WDR70: variants seen among roughly 807,000 people sequenced by gnomAD.
WDR70 encodes WD repeat-containing protein 70.
A neutral mutation model predicts 88.6 loss-of-function variants in WDR70; 53 were observed. The ratio of observed to expected loss-of-function variants is 0.60; its 90% CI spans 0.48 to 0.75. The LOEUF is 0.75. Among genes scored for constraint, WDR70 ranks in the 30% least tolerant of loss-of-function variants. The pLI is 0.00. For synonymous variants in WDR70, 280 were observed against 270.0 expected (o/e 1.04, Z -0.36); for missense variants, 610 against 823.2 (o/e 0.74, Z 3.17).
At chr5:37,526,218 A>G (rs1741266083) in intron 9 of WDR70, among the ~76,000 whole-genome samples, 1 of 152,112 alleles carries the variant, frequency 6.6e-6, no homozygotes, top group Non-Finnish European at 1.5e-5. Flanking sequence ...GATGAACATC[A>G]ATGCAAAAAT....
At chr5:37,605,966 C>A (rs1396278428) in intron 10 of WDR70, among the ~76,000 whole-genome samples, 1 of 152,110 alleles carries the variant, frequency 6.6e-6, no homozygotes, top group Admixed American at 6.5e-5. Context: ...TTTTGGATAT[C>A]CTTATTTTAT....
At chr5:37,455,521 C>T (rs546262172) in intron 7 of WDR70, among the ~76,000 whole-genome samples, 3 of 151,846 alleles carry the variant, frequency 2.0e-5, no homozygotes, top group Admixed American at 6.6e-5. Context: ...AGATTACAGG[C>T]GTGAGCCATT....
At chr5:37,440,625 G>A (rs1339447111) in intron 6 of WDR70, among the ~76,000 whole-genome samples, 3 of 152,222 alleles carry the variant, frequency 2.0e-5, no homozygotes, top group Non-Finnish European at 2.9e-5. Flanking sequence ...GATTACAGGC[G>A]TGAGCCACTG....
At chr5:37,436,475 T>C (rs1750470081) in intron 5 of WDR70, among the ~76,000 whole-genome samples, 1 of 152,188 alleles carries the variant, frequency 6.6e-6, no homozygotes, top group Non-Finnish European at 1.5e-5. Flanking sequence ...AGTTTCAAGA[T>C]GGAGGAGATA....
Position 37,520,650 on chromosome 5 carries a change from C to T in WDR70, c.917+4060C>T, listed in dbSNP as rs568748417. On this transcript the variant is annotated intron_variant, in intron 9 of 17. Coordinates refer to ENST00000265107, the MANE Select transcript of WDR70 (RefSeq NM_018034.4). ...TTTACCACCAGGATATTTCAGTATACTTCATTGCTGAATGAATGAAAGGTT... is the reference window on the plus strand; with the variant it reads ...TTTACCACCAGGATATTTCAGTATATTTCATTGCTGAATGAATGAAAGGTT... 3.4e-3 allele frequency among the ~76,000 whole-genome samples: 522 copies of T among 152,206 alleles called. 1 individual carries two copies. The highest frequency in any genetic ancestry group is 5.6e-3 in the Non-Finnish European group (378 of 68,006).
At chr5:37,392,177 G>GT (rs11335326) in intron 4 of WDR70, 57 bp downstream of exon 4, 260,580 of 1,256,240 alleles carry the variant, frequency 0.21, 6 homozygotes, top group Non-Finnish European at 0.22. Flanking sequence ...TGTTTATAGA[G>GT]TTTTTTTTTT....
At chr5:37,452,790 G>A (rs577472683) in intron 7 of WDR70, among the ~76,000 whole-genome samples, 1 of 152,306 alleles carries the variant, frequency 6.6e-6, no homozygotes, top group East Asian at 1.9e-4. Flanking sequence ...GCAAACATCA[G>A]AATTTGTCTG....
intron 9 of WDR70, among the ~76,000 whole-genome samples, chr5:37,579,546 T>A (rs924162323): frequency 7.7e-5 from 11 of 142,700 alleles, no homozygotes; most frequent in African/African-American, 3.0e-4. Flanking sequence ...ATTGCATCAT[T>A]GCACTCCAGC....
chr5:37,605,262 C>A (rs1456769805), intron 10 of WDR70, 24 bp downstream of exon 10: 1 of 1,580,482 alleles, frequency 6.3e-7, no homozygotes, highest in East Asian at 2.3e-5. Context: ...TTTCTTAGAA[C>A]ATGGCCACCT....
At chr5:37,741,663 T>C (rs1748485276) in intron 17 of WDR70, among the ~76,000 whole-genome samples, 1 of 152,200 alleles carries the variant, frequency 6.6e-6, no homozygotes, top group African/African-American at 2.4e-5. Flanking sequence ...TAATGCTCAC[T>C]CGCCCACTGC....
At chr5:37,626,583 G>C (rs1329952768) in intron 10 of WDR70, among the ~76,000 whole-genome samples, 1 of 152,092 alleles carries the variant, frequency 6.6e-6, no homozygotes, top group African/African-American at 2.4e-5. Flanking sequence ...GCTTGTTGTC[G>C]TTGTTGTATC....
chr5:37,614,926 T>G (rs946594567), intron 10 of WDR70, among the ~76,000 whole-genome samples: 6 of 152,224 alleles, frequency 3.9e-5, no homozygotes, highest in African/African-American at 9.6e-5. Flanking sequence ...GAAAAAATTA[T>G]TCTCTCTAAG....
intron 7 of WDR70, among the ~76,000 whole-genome samples, chr5:37,472,313 A>T (rs908440338): frequency 6.6e-6 from 1 of 151,970 alleles, no homozygotes; most frequent in Non-Finnish European, 1.5e-5. Flanking sequence ...AGAGGCAAGT[A>T]CTTTTAAATT....
intron 5 of WDR70, among the ~76,000 whole-genome samples, chr5:37,432,146 G>C (rs762904365): frequency 2.0e-5 from 3 of 151,810 alleles, no homozygotes; most frequent in Non-Finnish European, 4.4e-5. Context: ...TTCCGTAGTA[G>C]CTATACCATT....
At chr5:37,659,099 T>C (rs1745632162) in intron 10 of WDR70, among the ~76,000 whole-genome samples, 1 of 152,182 alleles carries the variant, frequency 6.6e-6, no homozygotes, top group Non-Finnish European at 1.5e-5. Context: ...CTTCAACCAG[T>C]CTTAGAAAAT....
In WDR70 at chr5:37,637,376, T is replaced by A. The variant is rs1581454968; in HGVS notation, c.1092+32138T>A. Among the ~76,000 whole-genome samples the A allele has an allele frequency of 2.1e-5, 3 of 143,982 alleles. No individual in the cohort carries two copies. The East Asian group carries it at 6.4e-4, about 31-fold the overall frequency. The allele number at this position is 143,982 out of a possible 152,430, so 94.5% of individuals were successfully genotyped here. Reference sequence around the variant, plus strand: ...ATAAATAAATAAATAAATAAATAAATAAAAGATTTATAAATAGTATTTTAA... The same window carrying A: ...ATAAATAAATAAATAAATAAATAAAAAAAAGATTTATAAATAGTATTTTAA... On this transcript the variant is annotated intron_variant, in intron 10 of 17. Transcript: ENST00000265107.
At chr5:37,412,604 A>T (rs1443757352) in intron 5 of WDR70, among the ~76,000 whole-genome samples, 1 of 152,192 alleles carries the variant, frequency 6.6e-6, no homozygotes, top group African/African-American at 2.4e-5. Context: ...GGCTGGATGT[A>T]ACAGCAGCTT....
chr5:37,446,592 A>G (rs1297717980), intron 7 of WDR70, among the ~76,000 whole-genome samples: 1 of 152,208 alleles, frequency 6.6e-6, no homozygotes, highest in Non-Finnish European at 1.5e-5. Context: ...CAAAACAGAG[A>G]TATAGACCAA....
At chr5:37,480,410 G>T (rs1464874967) in intron 8 of WDR70, among the ~76,000 whole-genome samples, 2 of 152,158 alleles carry the variant, frequency 1.3e-5, no homozygotes, top group African/African-American at 4.8e-5. Context: ...TTTGAGACTG[G>T]ATAATTTATA....
Sources: gnomAD v4.1 joint callset for allele counts (sites outside exome capture counted in the v4.1 genomes callset) on GRCh38, gnomAD v4.1.1 for gene constraint, MANE v1.5 for transcripts, NCBI Gene and HGNC (gene_info 2026-07-23, HGNC 2026-07-21) for gene names.